Variants in SMARCAL1 observed in about 807,000 individuals in gnomAD.
The protein encoded by SMARCAL1 is ATP-driven annealing helicase.
In SMARCAL1, 58 loss-of-function variants were observed where a neutral mutation model predicts 94.5. The observed-to-expected ratio is 0.61, with a 90% CI of 0.50 to 0.76. The LOEUF (loss-of-function observed/expected upper bound fraction) is 0.76, where lower values mean the gene tolerates loss of function less well. Ranked by LOEUF, SMARCAL1 falls within the 30% of genes least tolerant of loss-of-function variation. The pLI is 0.00. For synonymous variants in SMARCAL1, 422 were observed against 455.1 expected, an observed-to-expected ratio of 0.93 and a Z score of 0.93; for missense variants, 1,051 against 1,177.9, an observed-to-expected ratio of 0.89 and a Z score of 1.58.
chr2:216,422,648 T>A (rs992482831), intron 5 of SMARCAL1, among the ~76,000 whole-genome samples: 5 of 152,254 alleles, frequency 3.3e-5, no homozygotes, highest in Non-Finnish European at 7.3e-5. Context: ...GTTCCTTCCA[T>A]CAGGTTGTAC....
Position 216,438,471 on chromosome 2 carries a change from A to T in SMARCAL1, c.1696A>T (p.Met566Leu). 6.2e-7 allele frequency: 1 copy of T among 1,613,974 alleles called. No homozygotes were observed. The highest frequency in any genetic ancestry group is 1.1e-5 in the South Asian group (1 of 91,026). ...NSRTARCRAA[M>L]PVLKVAKRVI... is the part of the protein sequence containing the mutation. ...TAGGACTGCCCGCTGTCGAGCAGCTATGCCGGTCCTAAAGGTGAGTACTTC... is the reference window on the plus strand; with the variant it reads ...TAGGACTGCCCGCTGTCGAGCAGCTTTGCCGGTCCTAAAGGTGAGTACTTC... Residue 566 changes from methionine to leucine, a missense_variant, in exon 10 of 18, where the codon ATG (methionine) becomes TTG (leucine). Transcript: ENST00000357276.
intron 11 of SMARCAL1, among the ~76,000 whole-genome samples, chr2:216,447,669 C>CA (rs11285787): frequency 8.8e-5 from 13 of 148,178 alleles, no homozygotes; most frequent in Non-Finnish European, 1.6e-4. Context: ...CCTCCCTGTG[C>CA]AAAAAAAAAA....
At chr2:216,462,844 A>T (rs1694735477) in intron 12 of SMARCAL1, among the ~76,000 whole-genome samples, 1 of 143,014 alleles carries the variant, frequency 7.0e-6, no homozygotes, top group Admixed American at 6.9e-5. Flanking sequence ...AAAAAAAAAA[A>T]GCTGGTGTGG....
chr2:216,415,885 GTTT>G, intron 3 of SMARCAL1: 3 of 377,484 alleles, frequency 7.9e-6, no homozygotes, highest in Non-Finnish European at 1.5e-5. Context: ...GACAGGCCCA[GTTT>G]CATTGGTCTG....
intron 6 of SMARCAL1, among the ~76,000 whole-genome samples, chr2:216,428,097 G>A (rs1574453277): frequency 2.0e-5 from 3 of 152,116 alleles, no homozygotes; most frequent in Non-Finnish European, 2.9e-5. Flanking sequence ...TTTTTCAAAG[G>A]AAAATTATAA....
intron 3 of SMARCAL1, chr2:216,415,807 G>GT (rs1221617978): frequency 4.2e-6 from 2 of 480,340 alleles, no homozygotes; most frequent in African/African-American, 1.9e-5. Context: ...CTGAACAGCA[G>GT]TTTTTTTGAA....
intron 13 of SMARCAL1, among the ~76,000 whole-genome samples, chr2:216,466,197 G>A (rs914544188): frequency 2.0e-5 from 3 of 152,122 alleles, no homozygotes; most frequent in Non-Finnish European, 4.4e-5. Context: ...ACTGTGCCCA[G>A]AGCCACCCAT....
At position 216,425,601 on chromosome 2, in the gene SMARCAL1, G is replaced by A. The variant is rs139770377; in HGVS notation, c.1147+1918G>A. ...GCCCTTTTCTCACCTGCCATTCAGC[G>A]GGTCCCAGATTCTTGTCCTGCGTCC... On this transcript the variant is annotated intron_variant, in intron 6 of 17. Coordinates refer to ENST00000357276, the MANE Select transcript of SMARCAL1 (RefSeq NM_014140.4). Among the ~76,000 whole-genome samples, 398 of 152,282 alleles carry A rather than the reference G, an allele frequency of 2.6e-3. 1 individual carries two copies. The highest frequency in any genetic ancestry group is 8.8e-3 in the African/African-American group (364 of 41,542).
chr2:216,428,918 T>G, intron 7 of SMARCAL1, 136 bp downstream of exon 7: 1 of 808,480 alleles, frequency 1.2e-6, no homozygotes, highest in South Asian at 1.4e-5. Flanking sequence ...GTCTAGGCAT[T>G]AAACAGCCAG....
At chr2:216,459,186 G>A (rs962486098) in intron 12 of SMARCAL1, among the ~76,000 whole-genome samples, 5 of 152,140 alleles carry the variant, frequency 3.3e-5, no homozygotes, top group African/African-American at 9.7e-5. Context: ...AATAAAAGAG[G>A]ATACAGACAA....
rs1226675532 is a variant in SMARCAL1, at chr2:216,450,855, G to A, written c.1861G>A (p.Gly621Arg). 3 of 1,613,614 alleles carry A rather than the reference G, an allele frequency of 1.9e-6. No homozygotes were observed. The highest frequency in any genetic ancestry group is 2.5e-6 in the Non-Finnish European group (3 of 1,179,848). ...RYCDAKRMPW[G>R]WDYSGSSNLG... ...GTCTTGTTCTCTGCAGATGCCTTGG[G>A]GGTGGGACTACTCAGGTTCCTCCAA... is the stretch of plus-strand genomic sequence containing the variant. Residue 621 changes from glycine to arginine, a missense_variant, in exon 12 of 18, where the codon GGG becomes AGG. Around this residue, in one of 3 missense-constraint regions of SMARCAL1, gnomAD observed 642 missense variants for 754.7 expected, o/e 0.85. Transcript: ENST00000357276.
At position 216,414,907 on chromosome 2, in the gene SMARCAL1, G is replaced by A; in HGVS notation, c.203G>A (p.Gly68Asp). 3.1e-6 allele frequency: 5 copies of A among 1,614,202 alleles called. No homozygotes were observed. The highest frequency in any genetic ancestry group is 3.4e-6 in the Non-Finnish European group (4 of 1,180,040). ...GAGTCTTGTAAGCCAGTGAGCCATG[G>A]TGTCATTTTCAAGCAACAGAATCTC... ...PRESCKPVSHGVIFKQQNLSS... is the reference protein window; with the variant it reads ...PRESCKPVSHDVIFKQQNLSS... Residue 68 changes from glycine to aspartate, a missense_variant, in exon 3 of 18, where the codon GGT becomes GAT. By Grantham distance (94) the Gly-to-Asp change is moderately conservative. This residue lies in a region of SMARCAL1 where 398 missense variants were observed against 395.2 expected (regional missense o/e 1.01). Coordinates refer to ENST00000357276, the MANE Select transcript of SMARCAL1 (RefSeq NM_014140.4).
chr2:216,446,905 A>ACT, intron 10 of SMARCAL1, 113 bp from the exon 11 acceptor site: 1 of 1,230,690 alleles, frequency 8.1e-7, no homozygotes, highest in Non-Finnish European at 1.2e-6. Context: ...TTCTCGCGAC[A>ACT]CGCACGCGGT....
At chr2:216,445,856 T>C (rs1023233450) in intron 10 of SMARCAL1, among the ~76,000 whole-genome samples, 5 of 152,220 alleles carry the variant, frequency 3.3e-5, no homozygotes, top group African/African-American at 1.2e-4. Context: ...TTATAAAGAA[T>C]GATTTTTCTT....
chr2:216,457,108 G>GT (rs1292229699), intron 12 of SMARCAL1, among the ~76,000 whole-genome samples: 2 of 144,360 alleles, frequency 1.4e-5, no homozygotes, highest in African/African-American at 5.5e-5. Context: ...TTACATAATG[G>GT]TAAAGGGATC....
rs1693994454 is a variant in SMARCAL1, at chr2:216,432,785, G to C, written c.1402G>C (p.Ala468Pro). The C allele has an allele frequency of 6.2e-7, 1 of 1,614,230 alleles. No individual in the cohort carries two copies. Among genetic ancestry groups the C allele is most frequent in the Non-Finnish European group, 8.5e-7 (1 of 1,180,042 alleles). ...DDMGLGKTIQ[A>P]ICIAAFYRKE... Reference sequence around the variant, plus strand: ...CATGGGCCTGGGGAAGACCATCCAAGCCATCTGCATCGCAGCCTTTTACCG... The same window carrying C: ...CATGGGCCTGGGGAAGACCATCCAACCCATCTGCATCGCAGCCTTTTACCG... The change falls in exon 8 of 18, where the codon GCC (alanine) becomes CCC (proline). Residue 468 changes from alanine (A) to proline (P), a missense_variant. Around this residue, in one of 3 missense-constraint regions of SMARCAL1, gnomAD observed 642 missense variants for 754.7 expected, o/e 0.85. Coordinates refer to ENST00000357276, the MANE Select transcript of SMARCAL1 (RefSeq NM_014140.4).
intron 12 of SMARCAL1, among the ~76,000 whole-genome samples, chr2:216,452,872 T>G (rs138754174): frequency 6.6e-6 from 1 of 152,368 alleles, no homozygotes; most frequent in African/African-American, 2.4e-5. Context: ...GTTTGATTTC[T>G]GAGCTTGTTG....
At chr2:216,437,473 T>G (rs1026325651) in intron 9 of SMARCAL1, among the ~76,000 whole-genome samples, 7 of 152,198 alleles carry the variant, frequency 4.6e-5, no homozygotes, top group African/African-American at 1.7e-4. Flanking sequence ...ATCCCAGCTA[T>G]AGGAAGGCTG....
intron 12 of SMARCAL1, among the ~76,000 whole-genome samples, chr2:216,452,283 A>T (rs1694466636): frequency 6.6e-6 from 1 of 152,148 alleles, no homozygotes; most frequent in Non-Finnish European, 1.5e-5. Context: ...TCTTTTGTTT[A>T]TTTTTAGAGA....
Sources: allele counts gnomAD v4.1 joint callset (sites outside exome capture counted in the v4.1 genomes callset), GRCh38; gene constraint gnomAD v4.1.1; regional missense constraint gnomAD v4.1.1; transcripts MANE v1.5; gene names NCBI Gene and HGNC (gene_info 2026-07-23, HGNC 2026-07-21).